CNTN3: variants seen among roughly 807,000 people sequenced by gnomAD.
CNTN3 encodes contactin-3.
CNTN3 carries 60 observed loss-of-function variants against 119.1 expected under a neutral mutation model. The ratio of observed to expected loss-of-function variants is 0.50; its 90% CI spans 0.41 to 0.62. The LOEUF (loss-of-function observed/expected upper bound fraction) is 0.62. Ranked by LOEUF, CNTN3 falls within the 20% of genes least tolerant of loss-of-function variation. The probability of loss-of-function intolerance (pLI) is 0.00; values close to 1 mark genes in which losing one functional copy is unlikely to be tolerated. For missense variants in CNTN3, 1,101 were observed against 1,242.4 expected (o/e 0.89, Z 1.71); for synonymous variants, 450 against 438.7 (o/e 1.03, Z -0.32).
chr3:74,376,902 C>CA (rs1179135435), intron 5 of CNTN3, among the ~76,000 whole-genome samples: 5 of 124,680 alleles, frequency 4.0e-5, no homozygotes, highest in African/African-American at 9.2e-5. Context: ...CTAGAATTTT[C>CA]AAAAAAACAA....
intron 11 of CNTN3, among the ~76,000 whole-genome samples, chr3:74,347,616 C>T (rs1703724684): frequency 6.6e-6 from 1 of 152,028 alleles, no homozygotes; most frequent in South Asian, 2.1e-4. Context: ...TTATCTTTTC[C>T]ACTTATTTAT....
intron 8 of CNTN3, among the ~76,000 whole-genome samples, chr3:74,366,475 G>T (rs1185770534): frequency 1.3e-5 from 2 of 151,982 alleles, no homozygotes; most frequent in Middle Eastern, 3.4e-3. Flanking sequence ...AGTATATCCA[G>T]CCAAGTCTCA....
At chr3:74,473,266 G>C (rs1248630843) in intron 4 of CNTN3, among the ~76,000 whole-genome samples, 1 of 151,452 alleles carries the variant, frequency 6.6e-6, no homozygotes, top group South Asian at 2.1e-4. Context: ...GGTTATGTGA[G>C]GGGGTAGACT....
intron 13 of CNTN3, among the ~76,000 whole-genome samples, chr3:74,316,589 T>C (rs35361222): frequency 1.2e-4 from 18 of 152,106 alleles, no homozygotes; most frequent in Non-Finnish European, 2.1e-4. Context: ...TCCACCCAGG[T>C]GCCCATTAAT....
At chr3:74,519,984 A>C (rs2107119954) in intron 2 of CNTN3, among the ~76,000 whole-genome samples, 1 of 151,762 alleles carries the variant, frequency 6.6e-6, no homozygotes, top group African/African-American at 2.4e-5. Context: ...TAAGAGCCTA[A>C]AAGTCTATTC....
At chr3:74,335,426 G>A (rs960706860) in intron 12 of CNTN3, among the ~76,000 whole-genome samples, 5 of 151,866 alleles carry the variant, frequency 3.3e-5, no homozygotes, top group African/African-American at 9.7e-5. Context: ...TTTCCCCAAC[G>A]CAAATGTCCA....
intron 3 of CNTN3, among the ~76,000 whole-genome samples, chr3:74,495,171 T>C (rs1244040896): frequency 6.6e-6 from 1 of 152,036 alleles, no homozygotes; most frequent in African/African-American, 2.4e-5. Context: ...GAGTTGAACT[T>C]GAGCATGAAC....
chr3:74,269,957 T>C (rs1005044156), intron 20 of CNTN3, among the ~76,000 whole-genome samples: 1 of 152,192 alleles, frequency 6.6e-6, no homozygotes, highest in Non-Finnish European at 1.5e-5. Flanking sequence ...GTAAAAGACT[T>C]AACACTACAG....
intron 1 of CNTN3, among the ~76,000 whole-genome samples, chr3:74,539,119 TC>T (rs925187913): frequency 8.5e-5 from 13 of 152,092 alleles, no homozygotes; most frequent in African/African-American, 3.1e-4. Context: ...CCCTATGGTC[TC>T]CCACAGACCT....
intron 4 of CNTN3, among the ~76,000 whole-genome samples, chr3:74,450,666 C>A (rs1278566879): frequency 1.6e-5 from 2 of 123,456 alleles, no homozygotes; most frequent in African/African-American, 6.0e-5. Flanking sequence ...TCCCCCCTCC[C>A]CCCACCCCAC....
rs530503843 is a variant in CNTN3 at position 74,506,232 on chromosome 3, T to C, written c.56-6447A>G. Among the ~76,000 whole-genome samples, 4 of 152,316 alleles carry C rather than the reference T, an allele frequency of 2.6e-5. No individual in the cohort carries two copies. In the East Asian group the frequency reaches 7.7e-4, roughly 29 times the overall value. On this transcript the variant is annotated intron_variant, in intron 2 of 22. Coordinates refer to ENST00000263665, the MANE Select transcript of CNTN3 (RefSeq NM_020872.3). ...TTAATCGCAGAGTTTGATTTAAAGG[T>C]ATGATCTATTTCACTGGACTGATTA...
chr3:74,495,599 C>A (rs1192688057), intron 3 of CNTN3, among the ~76,000 whole-genome samples: 2 of 151,966 alleles, frequency 1.3e-5, no homozygotes, highest in African/African-American at 2.4e-5. Context: ...TTCCTTACAT[C>A]CACTCCTTGA....
chr3:74,349,242 G>T (rs183657573), intron 11 of CNTN3, among the ~76,000 whole-genome samples: 2 of 152,190 alleles, frequency 1.3e-5, no homozygotes, highest in African/African-American at 4.8e-5. Context: ...TAAGGTGAAG[G>T]CTTTGCAAGA....
chr3:74,317,606 T>C (rs1203944831), intron 13 of CNTN3, among the ~76,000 whole-genome samples: 2 of 152,270 alleles, frequency 1.3e-5, no homozygotes, highest in East Asian at 3.9e-4. Flanking sequence ...AAGCTTAGTT[T>C]GGCTGGATAT....
In CNTN3 at chr3:74,451,496, C is replaced by T. The variant is rs867453587; in HGVS notation, c.359-26556G>A. Among the ~76,000 whole-genome samples, 811 of 151,960 alleles carry T rather than the reference C, an allele frequency of 5.3e-3. 6 individuals carry two copies. Among genetic ancestry groups the T allele is most frequent in the African/African-American group, 0.014 (599 of 41,424 alleles). On this transcript the variant is annotated intron_variant, in intron 4 of 22. Transcript: ENST00000263665. ...TCACTCTGATGGTAGTTTCTTTTGC[C>T]GTGCAGAAGCTCTTTAGTTTAATTA...
chr3:74,473,191 A>G (rs545477406), intron 4 of CNTN3, among the ~76,000 whole-genome samples: 210 of 151,792 alleles, frequency 1.4e-3, no homozygotes, highest in African/African-American at 4.7e-3. Flanking sequence ...CGAAAAAAAA[A>G]AACAGGGAAA....
chr3:74,591,403 T>C (rs149095254), intron 1 of CNTN3, among the ~76,000 whole-genome samples: 128 of 152,114 alleles, frequency 8.4e-4, no homozygotes, highest in African/African-American at 3.0e-3. Flanking sequence ...TATTTATTTT[T>C]ATTTTTTACA....
intron 5 of CNTN3, among the ~76,000 whole-genome samples, chr3:74,375,062 A>G (rs1433322666): frequency 6.6e-6 from 1 of 152,172 alleles, no homozygotes; most frequent in African/African-American, 2.4e-5. Flanking sequence ...CAGTAAGCAT[A>G]ATTTTATATT....
intron 1 of CNTN3, among the ~76,000 whole-genome samples, chr3:74,535,564 T>C (rs760971806): frequency 6.6e-6 from 1 of 151,942 alleles, no homozygotes; most frequent in Admixed American, 6.6e-5. Context: ...CAAAAGCATA[T>C]GGAGGGTGGA....
Sources: allele counts gnomAD v4.1 joint callset (sites outside exome capture counted in the v4.1 genomes callset), GRCh38; gene constraint gnomAD v4.1.1; transcripts MANE v1.5; gene names NCBI Gene and HGNC (gene_info 2026-07-23, HGNC 2026-07-21).